The following C5orf34 variants were observed in gnomAD, a reference collection of about 807,000 sequenced individuals.
C5orf34 encodes chromosome 5 open reading frame 34.
Under a neutral mutation model 78.4 loss-of-function variants are expected in C5orf34, and 73 were observed. That is an observed-to-expected ratio of 0.93 (90% CI 0.77 to 1.13). The LOEUF (loss-of-function observed/expected upper bound fraction) is 1.13, where lower values mean the gene tolerates loss of function less well. Ranked by LOEUF, C5orf34 falls within the 50% of genes most tolerant of loss-of-function variation. C5orf34 has a pLI of 0.00. For missense variants in C5orf34, 730 were observed against 732.7 expected, an observed-to-expected ratio of 1.00 and a Z score of 0.04; for synonymous variants, 251 against 246.6, an observed-to-expected ratio of 1.02 and a Z score of -0.17.
intron 3 of C5orf34, among the ~76,000 whole-genome samples, chr5:43,507,201 T>A (rs1027987828): frequency 6.6e-6 from 1 of 152,094 alleles, no homozygotes; most frequent in African/African-American, 2.4e-5. Context: ...CAAGTAACAG[T>A]GTTGATTGTG....
chr5:43,506,953 G>A (rs1183842872), intron 3 of C5orf34, among the ~76,000 whole-genome samples: 1 of 152,110 alleles, frequency 6.6e-6, no homozygotes, highest in Non-Finnish European at 1.5e-5. Flanking sequence ...GTTTTTCAGA[G>A]CAAGAGGGAA....
intron 6 of C5orf34, chr5:43,496,537 T>A: frequency 8.4e-7 from 1 of 1,193,378 alleles, no homozygotes; most frequent in South Asian, 1.7e-5. Context: ...TTTCCCATTT[T>A]TTAAAAATAT....
intron 7 of C5orf34, among the ~76,000 whole-genome samples, 194 bp downstream of exon 7, chr5:43,494,316 A>G (rs1283505939): frequency 6.6e-6 from 1 of 152,220 alleles, no homozygotes; most frequent in Non-Finnish European, 1.5e-5. Flanking sequence ...TTACAAAGCC[A>G]GAAGTAATCT....
Position 43,502,802 on chromosome 5 carries a change from G to T in C5orf34, c.1029-307C>A, listed in dbSNP as rs75805073. Among the ~76,000 whole-genome samples the T allele has an allele frequency of 7.7e-4, 117 of 152,196 alleles. 1 individual carries two copies. The East Asian group carries it at 0.019, about 24-fold the overall frequency. On this transcript the variant is annotated intron_variant, in intron 5 of 12. Coordinates refer to ENST00000306862, the MANE Select transcript of C5orf34 (RefSeq NM_198566.4). ...GCTAATCACAAGGCTGGCATATAAG[G>T]GTCACCAAAGCAATGTCTATTGCAT...
intron 3 of C5orf34, among the ~76,000 whole-genome samples, chr5:43,507,727 GA>G (rs1746050621): frequency 6.6e-6 from 1 of 152,180 alleles, no homozygotes; most frequent in Admixed American, 6.5e-5. Flanking sequence ...TTGCCACTGA[GA>G]AAACTGCCAT....
At chr5:43,512,470 C>T (rs1579888268) in intron 1 of C5orf34, among the ~76,000 whole-genome samples, 2 of 152,192 alleles carry the variant, frequency 1.3e-5, no homozygotes, top group Non-Finnish European at 2.9e-5. Flanking sequence ...CATTGTTTCG[C>T]AATGGTCGCC....
At position 43,503,651 on chromosome 5, in the gene C5orf34, C is replaced by A; in HGVS notation, c.1028+14G>T. On this transcript the variant is annotated intron_variant, in intron 5 of 12. Coordinates refer to ENST00000306862, the MANE Select transcript of C5orf34 (RefSeq NM_198566.4). ...GCTCTAACTCCAACATAGAAGCCAA[C>A]ATAGGTGCCTTACCTATATGTAACA... 6.5e-7 allele frequency: 1 copy of A among 1,543,046 alleles called. No individual in the cohort carries two copies. The highest frequency in any genetic ancestry group is 1.1e-5 in the South Asian group (1 of 89,596).
chr5:43,496,434 A>G, intron 6 of C5orf34: 1 of 1,590,660 alleles, frequency 6.3e-7, no homozygotes, highest in Non-Finnish European at 8.5e-7. Context: ...CAATGTTGAT[A>G]TGAGTCTTTT....
chr5:43,493,858 G>A (rs1745387654), intron 7 of C5orf34, among the ~76,000 whole-genome samples: 2 of 152,052 alleles, frequency 1.3e-5, no homozygotes, highest in Non-Finnish European at 2.9e-5. Flanking sequence ...TGATTCCATG[G>A]ACAGAATTTT....
chr5:43,510,267 A>G (rs956813375), intron 1 of C5orf34, among the ~76,000 whole-genome samples: 1 of 152,216 alleles, frequency 6.6e-6, no homozygotes, highest in Non-Finnish European at 1.5e-5. Context: ...CATTAAAGAA[A>G]CAGCTCTTTA....
At chr5:43,510,615 A>AT (rs1375303228) in intron 1 of C5orf34, among the ~76,000 whole-genome samples, 4 of 152,048 alleles carry the variant, frequency 2.6e-5, no homozygotes, top group South Asian at 2.1e-4. Flanking sequence ...TGGTTTTCAT[A>AT]TTTTTTTGGT....
In C5orf34 at chr5:43,508,614, A is replaced by C. The variant is rs745709327; in HGVS notation, c.248T>G (p.Phe83Cys). ...AGAAGGTATGATGGTTTCAGATAAAAAAGGGCAAGTAGCTGAAGAGTTTCG... is the reference window on the plus strand; with the variant it reads ...AGAAGGTATGATGGTTTCAGATAAACAAGGGCAAGTAGCTGAAGAGTTTCG... Reference protein sequence around the residue: ...DFRNSSATCPFLSETIIPSER... With the variant: ...DFRNSSATCPCLSETIIPSER... The change falls in exon 3 of 13, where the codon TTT (phenylalanine) becomes TGT (cysteine). Residue 83 changes from phenylalanine to cysteine, a missense_variant. By Grantham distance (205) the Phe-to-Cys change is radical (BLOSUM62 -2). Coordinates refer to ENST00000306862, the MANE Select transcript of C5orf34 (RefSeq NM_198566.4). 2 of 1,612,090 alleles carry C rather than the reference A, an allele frequency of 1.2e-6. No individual in the cohort carries two copies. Among genetic ancestry groups the C allele is most frequent in the South Asian group, 2.2e-5 (2 of 90,810 alleles).
chr5:43,514,771 C>T (rs1227227766), intron 1 of C5orf34, 35 bp downstream of exon 1: 1 of 152,168 alleles, frequency 6.6e-6, no homozygotes, highest in Non-Finnish European at 1.5e-5. Context: ...CAGAAGGAGC[C>T]TGATCAAAAC....
At chr5:43,500,536 C>T (rs1251301406) in intron 6 of C5orf34, among the ~76,000 whole-genome samples, 2 of 152,148 alleles carry the variant, frequency 1.3e-5, no homozygotes, top group African/African-American at 4.8e-5. Flanking sequence ...GCTGGGATTA[C>T]ACACAAGCAC....
chr5:43,492,832 G>A lies in C5orf34; in HGVS notation c.1373C>T (p.Pro458Leu). Reference sequence around the variant, plus strand: ...GTAGGCAAGAAATCTTCCCACACTGGGTATGAGTGACTCTTTCAAAACCAA... The same window carrying A: ...GTAGGCAAGAAATCTTCCCACACTGAGTATGAGTGACTCTTTCAAAACCAA... ...LPLVLKESLI[P>L]SVGRFLAYSD... is the part of the protein sequence containing the mutation. Residue 458 changes from proline (P) to leucine (L), a missense_variant, in exon 9 of 13, where the codon CCC (proline) becomes CTC (leucine). By Grantham distance (98) the Pro-to-Leu change is moderately conservative. Transcript: ENST00000306862. The A allele has an allele frequency of 6.2e-7, 1 of 1,611,634 alleles. No homozygotes were observed. The highest frequency in any genetic ancestry group is 8.5e-7 in the Non-Finnish European group (1 of 1,178,308).
chr5:43,495,750 G>A, intron 6 of C5orf34: 1 of 1,581,600 alleles, frequency 6.3e-7, no homozygotes, highest in Admixed American at 1.7e-5. Flanking sequence ...TGAGTTGGTG[G>A]TAGGATGCAG....
In C5orf34 at chr5:43,492,807, G is replaced by A. The variant is rs1745339012; in HGVS notation, c.1398C>T (p.Tyr466=). 6 of 1,612,806 alleles carry A rather than the reference G, an allele frequency of 3.7e-6. No homozygotes were observed. The highest frequency in any genetic ancestry group is 5.1e-6 in the Non-Finnish European group (6 of 1,179,178). ...LIPSVGRFLA[Y]SDDKVHAIFL... ...AGATAGCATGTACTTTGTCATCAGA[G>A]TAGGCAAGAAATCTTCCCACACTGG... Residue 466 remains tyrosine, a synonymous_variant, in exon 9 of 13, where the codon TAC becomes TAT. Coordinates refer to ENST00000306862, the MANE Select transcript of C5orf34 (RefSeq NM_198566.4).
chr5:43,510,931 C>T (rs1252706528), intron 1 of C5orf34: 32 of 196,800 alleles, frequency 1.6e-4, no homozygotes, highest in Non-Finnish European at 1.8e-4. Flanking sequence ...GCCCCTCTGC[C>T]CGACTGCCCA....
At chr5:43,491,180 T>G (rs1745265176) in intron 10 of C5orf34, among the ~76,000 whole-genome samples, 1 of 152,224 alleles carries the variant, frequency 6.6e-6, no homozygotes, top group African/African-American at 2.4e-5. Context: ...ATATGTGTAA[T>G]TATATGTAAC....
Sources: allele counts gnomAD v4.1 joint callset (sites outside exome capture counted in the v4.1 genomes callset), GRCh38; gene constraint gnomAD v4.1.1; transcripts MANE v1.5; gene names NCBI Gene and HGNC (gene_info 2026-07-23, HGNC 2026-07-21).